The following LARS2 variants were observed in gnomAD, a reference collection of about 807,000 sequenced individuals.
LARS2 encodes the protein leucyl-tRNA synthetase 2, mitochondrial.
A neutral mutation model predicts 116.6 loss-of-function variants in LARS2; 81 were observed. That is an observed-to-expected ratio of 0.69 (90% CI 0.58 to 0.84). The LOEUF is 0.84. Among genes scored for constraint, LARS2 ranks in the 40% least tolerant of loss-of-function variants. The probability of loss-of-function intolerance (pLI) is 0.00; values close to 1 mark genes in which losing one functional copy is unlikely to be tolerated. For missense variants in LARS2, 968 were observed against 1,114.5 expected (o/e 0.87, Z 1.87); for synonymous variants, 396 against 407.2 (o/e 0.97, Z 0.33).
At chr3:45,495,478 G>A (rs966065744) in intron 13 of LARS2, 2 of 152,234 alleles carry the variant, frequency 1.3e-5, no homozygotes, top group Non-Finnish European at 2.9e-5. Context: ...TCTTCCTCGA[G>A]TCATCCTGGT....
intron 16 of LARS2, 140 bp from the exon 17 acceptor site, chr3:45,515,954 A>T: frequency 1.6e-6 from 1 of 617,544 alleles, no homozygotes; most frequent in Non-Finnish European, 2.8e-6. Flanking sequence ...AGGGAGAGAA[A>T]GCGGCTTGTT....
intron 10 of LARS2, 144 bp from the exon 11 acceptor site, chr3:45,485,548 A>G: frequency 1.9e-6 from 1 of 539,378 alleles, no homozygotes; most frequent in South Asian, 3.0e-5. Context: ...ATCTATTAAT[A>G]CCCTTCAAAG....
chr3:45,429,372 G>A (rs1391996725), intron 6 of LARS2, among the ~76,000 whole-genome samples: 1 of 152,154 alleles, frequency 6.6e-6, no homozygotes, highest in East Asian at 1.9e-4. Context: ...TGTAGGACAG[G>A]TCCCTGTTTC....
At chr3:45,512,570 A>T (rs376680360) in intron 15 of LARS2, among the ~76,000 whole-genome samples, 31 of 152,352 alleles carry the variant, frequency 2.0e-4, no homozygotes, top group African/African-American at 7.2e-4. Flanking sequence ...ATAGATCTAT[A>T]TGAACTGCCA....
Position 45,458,870 on chromosome 3 carries a change from C to T in LARS2, c.734C>T (p.Thr245Ile). Residue 245 changes from threonine (T) to isoleucine (I), a missense_variant, in exon 8 of 22, where the codon ACA becomes ATA. Thr to Ile is a moderately conservative substitution (Grantham distance 89). Coordinates refer to ENST00000645846, the MANE Select transcript of LARS2 (RefSeq NM_015340.4). The stretch of plus-strand genomic sequence containing the variant: ...TACCTCAGACAATGGTTTATTAAGA[C>T]AACCGCTTATGCAAAGGTGAGTGTC... ...QKYLRQWFIKTTAYAKAMQDA... is the reference protein window; with the variant it reads ...QKYLRQWFIKITAYAKAMQDA... 6.2e-7 allele frequency: 1 copy of T among 1,614,032 alleles called. No homozygotes were observed. Among genetic ancestry groups the T allele is most frequent in the Non-Finnish European group, 8.5e-7 (1 of 1,179,898 alleles).
intron 8 of LARS2, among the ~76,000 whole-genome samples, chr3:45,465,168 A>G (rs775266935): frequency 4.6e-5 from 7 of 152,270 alleles, no homozygotes; most frequent in South Asian, 2.1e-4. Context: ...TCCCAGTCCC[A>G]GGGATCTGGT....
chr3:45,483,739 G>T (rs998302904), intron 10 of LARS2, among the ~76,000 whole-genome samples: 1 of 152,148 alleles, frequency 6.6e-6, no homozygotes, highest in Admixed American at 6.6e-5. Flanking sequence ...TGCAGCAACA[G>T]GTGTCTCCCA....
At chr3:45,459,210 TA>T (rs1316551353) in intron 8 of LARS2, among the ~76,000 whole-genome samples, 2 of 152,078 alleles carry the variant, frequency 1.3e-5, no homozygotes, top group East Asian at 3.8e-4. Flanking sequence ...GGGGGGCCTT[TA>T]AAAAAAGAGA....
At chr3:45,449,255 C>T (rs569939230) in intron 7 of LARS2, among the ~76,000 whole-genome samples, 12 of 151,344 alleles carry the variant, frequency 7.9e-5, no homozygotes, top group Non-Finnish European at 1.2e-4. Context: ...CTCCGCCTCC[C>T]GGGTTCAAGC....
chr3:45,426,817 T>C (rs553577998), intron 6 of LARS2, among the ~76,000 whole-genome samples: 44 of 152,324 alleles, frequency 2.9e-4, no homozygotes, highest in African/African-American at 1.1e-3. Flanking sequence ...AAGGAAGTTA[T>C]TTGTTTTGTC....
chr3:45,517,975 G>A lies in LARS2; in HGVS notation c.2117G>A (p.Arg706Lys). 1 of 1,614,104 alleles carries A rather than the reference G, an allele frequency of 6.2e-7. No individual in the cohort carries two copies. The highest frequency in any genetic ancestry group is 1.1e-5 in the South Asian group (1 of 91,078). The change falls in exon 18 of 22, where the codon AGG (arginine) becomes AAG (lysine). Residue 706 changes from arginine to lysine, a missense_variant. By Grantham distance (26) the Arg-to-Lys change is conservative. Coordinates refer to ENST00000645846, the MANE Select transcript of LARS2 (RefSeq NM_015340.4). Reference sequence around the variant, plus strand: ...TTGACAACTCGGTTTATTGAGGCCAGGGCTTCTGGGAAGTCTCCCCAGCCT... The same window carrying A: ...TTGACAACTCGGTTTATTGAGGCCAAGGCTTCTGGGAAGTCTCCCCAGCCT... ...WTLTTRFIEA[R>K]ASGKSPQPQL...
rs149171347 is a variant in LARS2 at position 45,478,568 on chromosome 3, G to A, written c.1018+1941G>A. On this transcript the variant is annotated intron_variant, in intron 10 of 21. Transcript: ENST00000645846. ...CTGTTTTCATGAACACATGGATATC[G>A]ACACACCTGACCTGGCCTAGTCATT... 2.6e-3 allele frequency among the ~76,000 whole-genome samples: 396 copies of A among 152,240 alleles called. 3 individuals are homozygous for A. Among genetic ancestry groups the A allele is most frequent in the Admixed American group, 0.018 (269 of 15,292 alleles).
At chr3:45,506,973 G>C (rs377627983) in intron 15 of LARS2, 2 of 151,990 alleles carry the variant, frequency 1.3e-5, no homozygotes, top group East Asian at 1.9e-4. Flanking sequence ...AGGTGCCTTA[G>C]TTGTGTGATC....
chr3:45,483,756 A>G (rs1162479349), intron 10 of LARS2, among the ~76,000 whole-genome samples: 2 of 152,160 alleles, frequency 1.3e-5, no homozygotes, highest in Non-Finnish European at 2.9e-5. Flanking sequence ...CCCAGCTAAC[A>G]CATCTGTACC....
chr3:45,455,152 A>G (rs1284607512), intron 7 of LARS2, among the ~76,000 whole-genome samples: 2 of 148,018 alleles, frequency 1.4e-5, no homozygotes, highest in African/African-American at 2.5e-5. Context: ...CTTTCATTCA[A>G]TGCTTGGGTT....
chr3:45,476,064 CT>C (rs66954282), intron 9 of LARS2, among the ~76,000 whole-genome samples: 9,968 of 146,836 alleles, frequency 0.068, 371 homozygotes, highest in African/African-American at 0.11. Flanking sequence ...AAGTAGATGC[CT>C]TTTTTTTTTT....
chr3:45,484,630 A>AAATATATATATATATATAT (rs1553634443), intron 10 of LARS2, among the ~76,000 whole-genome samples: 2 of 9,728 alleles, frequency 2.1e-4, no homozygotes, highest in African/African-American at 3.6e-4. Context: ...AAAAAAAAAA[A>AAATATATATATATATATAT]ATATATATAT....
intron 7 of LARS2, among the ~76,000 whole-genome samples, chr3:45,450,082 G>A (rs1216767642): frequency 1.3e-5 from 2 of 152,292 alleles, no homozygotes; most frequent in Non-Finnish European, 1.5e-5. Flanking sequence ...TTCCATGGAT[G>A]TAGTTTTAGA....
At chr3:45,476,915 G>T (rs1042202033) in intron 10 of LARS2, among the ~76,000 whole-genome samples, 1 of 152,080 alleles carries the variant, frequency 6.6e-6, no homozygotes, top group Non-Finnish European at 1.5e-5. Flanking sequence ...TTTTCTCCTA[G>T]TTATAAATTA....
Sources: allele counts gnomAD v4.1 joint callset (sites outside exome capture counted in the v4.1 genomes callset), GRCh38; gene constraint gnomAD v4.1.1; transcripts MANE v1.5; gene names NCBI Gene and HGNC (gene_info 2026-07-23, HGNC 2026-07-21).